The following ARHGEF40 variants were observed in gnomAD, a reference collection of about 807,000 sequenced individuals.
The protein encoded by ARHGEF40 is Rho guanine nucleotide exchange factor (GEF) 40.
In ARHGEF40, 98 loss-of-function variants were observed where a neutral mutation model predicts 165.9. The observed-to-expected ratio is 0.59, with a 90% CI of 0.50 to 0.70. The LOEUF (loss-of-function observed/expected upper bound fraction) is 0.70. Among genes scored for constraint, ARHGEF40 ranks in the 30% least tolerant of loss-of-function variants. The probability of loss-of-function intolerance (pLI) is 0.00; values close to 1 mark genes in which losing one functional copy is unlikely to be tolerated. For missense variants in ARHGEF40, 1,815 were observed against 1,968.0 expected, an observed-to-expected ratio of 0.92 and a Z score of 1.47; for synonymous variants, 792 against 814.3, an observed-to-expected ratio of 0.97 and a Z score of 0.47.
chr14:21,088,158 C>T lies in ARHGEF40; in HGVS notation c.4518+60C>T, dbSNP rs1178538535. ...TCTCTTTGGCTGCTTTCTGGATGGG[C>T]TTTTCTGATCATTCAACCCCAGGGG... On this transcript the variant is annotated intron_variant, in intron 22 of 23. Coordinates refer to ENST00000298694, the MANE Select transcript of ARHGEF40 (RefSeq NM_018071.5). The T allele has an allele frequency of 1.9e-5, 29 of 1,537,840 alleles. No individual in the cohort carries two copies. The South Asian group carries it at 3.2e-4, about 17-fold the overall frequency.
upstream of ARHGEF40, among the ~76,000 whole-genome samples, chr14:21,066,359 C>A (rs527549184): frequency 6.9e-6 from 1 of 145,774 alleles, no homozygotes; most frequent in Non-Finnish European, 1.5e-5. Flanking sequence ...CTCACTTTGT[C>A]GCCAGGCTGG....
intron 15 of ARHGEF40, 149 bp downstream of exon 15, chr14:21,082,627 C>A: frequency 1.8e-6 from 2 of 1,109,836 alleles, no homozygotes; most frequent in Non-Finnish European, 2.5e-6. Flanking sequence ...GGCACTTCTG[C>A]CTCTACTCAG....
rs1480912132 is a variant in ARHGEF40 at position 21,090,188 on chromosome 14, C to T, written c.*1180C>T. On this transcript the variant is annotated 3_prime_UTR_variant, in exon 24 of 24. Coordinates refer to ENST00000298694, the MANE Select transcript of ARHGEF40 (RefSeq NM_018071.5). This position sits in a 1 kb window ranked among gnomAD's most constrained non-coding sequence, Gnocchi z 4.4. ...GGCCCCTGATGGGGCTAGAAGGGTA[C>T]AGTGCCCCCCACCCTCACCCCTTGT... The T allele has an allele frequency of 1.8e-6, 1 of 541,652 alleles. No homozygotes were observed. Among genetic ancestry groups the T allele is most frequent in the East Asian group, 4.5e-5 (1 of 22,182 alleles). 33.6% of individuals were successfully genotyped at this position (541,652 alleles called of 1,614,324 possible).
At chr14:21,064,942 A>G in the ARHGEF40 span, among the ~76,000 whole-genome samples, 261 of 152,294 alleles carry the variant, frequency 1.7e-3, no homozygotes, top group African/African-American at 6.1e-3. Flanking sequence ...AGGCAGAGGC[A>G]GGCAGATCAC....
chr14:21,070,310 G>T lies in ARHGEF40; in HGVS notation c.-87G>T. 1 of 1,369,740 alleles carries T rather than the reference G, an allele frequency of 7.3e-7. No individual in the cohort carries two copies. The highest frequency in any genetic ancestry group is 9.4e-7 in the Non-Finnish European group (1 of 1,060,332). The allele number at this position is 1,369,740 out of a possible 1,614,324, so 84.8% of individuals were successfully genotyped here. A position where few individuals can be genotyped will look rare whatever the true frequency, so the allele number is the denominator to read the frequency against. On this transcript the variant is annotated 5_prime_UTR_variant, in exon 1 of 24. Coordinates refer to ENST00000298694, the MANE Select transcript of ARHGEF40 (RefSeq NM_018071.5). This position sits in a 1 kb window ranked among gnomAD's most constrained non-coding sequence, Gnocchi z 4.7. ...CCGGAGCTGTCCCTTAGCCAGACCCGGCGAGACACGAGCGGCGGGAGGGAG... is the reference window on the plus strand; with the variant it reads ...CCGGAGCTGTCCCTTAGCCAGACCCTGCGAGACACGAGCGGCGGGAGGGAG...
In ARHGEF40 at chr14:21,080,760, G is replaced by C. The variant is rs527744379; in HGVS notation, c.2474G>C (p.Arg825Pro). 1.2e-6 allele frequency: 2 copies of C among 1,608,724 alleles called. No individual in the cohort carries two copies. Among genetic ancestry groups the C allele is most frequent in the Admixed American group, 1.7e-5 (1 of 59,516 alleles). The change falls in exon 12 of 24, where the codon CGT becomes CCT. Residue 825 changes from arginine to proline, a missense_variant. Coordinates refer to ENST00000298694, the MANE Select transcript of ARHGEF40 (RefSeq NM_018071.5). ...SALQETELRFRAFSAEVQERL... is the reference protein window; with the variant it reads ...SALQETELRFPAFSAEVQERL... ...CTGCAGGAGACAGAGCTGCGATTCC[G>C]TGCTTTCAGCGCTGAGGTCCAGGTG...
chr14:21,082,262 G>T lies in ARHGEF40; in HGVS notation c.3270G>T (p.Val1090=). 2 of 1,611,024 alleles carry T rather than the reference G, an allele frequency of 1.2e-6. No homozygotes were observed. The highest frequency in any genetic ancestry group is 1.7e-6 in the Non-Finnish European group (2 of 1,177,856). ...KRSISAQQRL[V]SELIACEQDY... ...CCTGCAGTGCCCAGCAGCGGCTGGT[G>T]TCTGAGCTGATTGCCTGTGAACAAG... The change falls in exon 15 of 24, where the codon GTG becomes GTT. Residue 1090 remains valine (V), a synonymous_variant. Coordinates refer to ENST00000298694, the MANE Select transcript of ARHGEF40 (RefSeq NM_018071.5).
Position 21,082,058 on chromosome 14 carries a change from AG to A in ARHGEF40, c.3195del (p.Pro1066GlnfsTer7). Reference sequence around the variant, plus strand: ...GGAACACGTGCTGCTGGGCCGGGCTAGGGGGCCAGACGGACCCTGGGGAGTA... The same window carrying A: ...GGAACACGTGCTGCTGGGCCGGGCTAGGGGCCAGACGGACCCTGGGGAGTA... ...PREHVLLGRA[R>X]GPDGPWGVGT... On this transcript the variant is annotated frameshift_variant, in exon 14 of 24. Coordinates refer to ENST00000298694, the MANE Select transcript of ARHGEF40 (RefSeq NM_018071.5). LOFTEE classifies it high-confidence loss of function. The A allele has an allele frequency of 6.4e-7, 1 of 1,560,564 alleles. No individual in the cohort carries two copies. The highest frequency in any genetic ancestry group is 8.7e-7 in the Non-Finnish European group (1 of 1,152,186).
At chr14:21,085,556 G>C in intron 18 of ARHGEF40, 133 bp from the exon 19 acceptor site, 1 of 1,020,570 alleles carries the variant, frequency 9.8e-7, no homozygotes, top group African/African-American at 1.6e-5. Context: ...TAGAGCACTT[G>C]GCACGTGATA....
intron 19 of ARHGEF40, 78 bp from the exon 20 acceptor site, chr14:21,086,920 AAAG>A: frequency 8.2e-7 from 1 of 1,215,026 alleles, no homozygotes; most frequent in Non-Finnish European, 1.1e-6. Flanking sequence ...AAAAAAAAAA[AAAG>A]AAAAAAATCA....
intron 18 of ARHGEF40, 32 bp downstream of exon 18, chr14:21,084,955 C>G: frequency 6.2e-7 from 1 of 1,600,468 alleles, no homozygotes; most frequent in South Asian, 1.1e-5. Flanking sequence ...GTGGAGGTGA[C>G]AGGAAGTCAT....
At chr14:21,068,714 A>G (rs1287623031), upstream of ARHGEF40, among the ~76,000 whole-genome samples, 1 of 152,206 alleles carries the variant, frequency 6.6e-6, no homozygotes, top group African/African-American at 2.4e-5. Context: ...GGGTGTTAGA[A>G]AGAGCTCCAA....
chr14:21,072,178 T>G lies in ARHGEF40; in HGVS notation c.4-867T>G, dbSNP rs1886993268. Among the ~76,000 whole-genome samples the G allele has an allele frequency of 6.6e-6, 1 of 152,200 alleles. No homozygotes were observed. Among genetic ancestry groups the G allele is most frequent in the Admixed American group, 6.5e-5 (1 of 15,286 alleles). On this transcript the variant is annotated intron_variant, in intron 1 of 23. Transcript: ENST00000298694. This position sits in a 1 kb window ranked among gnomAD's most constrained non-coding sequence, Gnocchi z 4.1. Reference sequence around the variant, plus strand: ...TAGGAGTTGGAGAAAGACGTCTCATTGACTCACTTAGGGAGGGGAGTCTGG... The same window carrying G: ...TAGGAGTTGGAGAAAGACGTCTCATGGACTCACTTAGGGAGGGGAGTCTGG...
At chr14:21,082,144 TA>T in intron 14 of ARHGEF40, 25 bp downstream of exon 14, 1 of 1,561,752 alleles carries the variant, frequency 6.4e-7, no homozygotes, top group Non-Finnish European at 8.7e-7. Context: ...CAACTGGTGC[TA>T]AGAGGCGGAG....
intron 15 of ARHGEF40, 65 bp from the exon 16 acceptor site, chr14:21,082,766 G>A: frequency 6.6e-7 from 1 of 1,509,852 alleles, no homozygotes; most frequent in South Asian, 1.1e-5. Context: ...ATAGAGAGGG[G>A]GAAGAGAGAG....
In ARHGEF40 at chr14:21,072,937, G is replaced by T; in HGVS notation, c.4-108G>T. 5.2e-6 allele frequency: 6 copies of T among 1,163,312 alleles called. No homozygotes were observed. In the Admixed American group the frequency reaches 8.6e-5, roughly 17 times the overall value. 72.1% of individuals were successfully genotyped at this position (1,163,312 alleles called of 1,614,324 possible). A position where few individuals can be genotyped will look rare whatever the true frequency, so the allele number is the denominator to read the frequency against. On this transcript the variant is annotated intron_variant, in intron 1 of 23. Transcript: ENST00000298694. The surrounding 1 kb of genome is among the most constrained non-coding windows in gnomAD (Gnocchi z 4.1). ...TGAGTGCTCACTTTTTGCCCACATT[G>T]TACAATCGGGGCTTTGGAGAACACA... is the stretch of plus-strand genomic sequence containing the variant.
At chr14:21,068,100 C>T (rs10143954), upstream of ARHGEF40, among the ~76,000 whole-genome samples, 3 of 40,602 alleles carry the variant, frequency 7.4e-5, 1 homozygote, top group East Asian at 7.6e-4. Context: ...CCCGGGTTCA[C>T]GCCATTCTCC....
At position 21,074,777 on chromosome 14, in the gene ARHGEF40, C is replaced by T. The variant is rs1046089901; in HGVS notation, c.1047C>T (p.Pro349=). Reference sequence around the variant, plus strand: ...TGGGAGAAGCCTCCGGATCTTGCCCCCTGAGGCCAGGGGAGCTTAGAGGAG... The same window carrying T: ...TGGGAGAAGCCTCCGGATCTTGCCCTCTGAGGCCAGGGGAGCTTAGAGGAG... ...EAVGEASGSC[P]LRPGELRGGG... Residue 349 remains proline (P), a synonymous_variant, in exon 3 of 24, where the codon CCC becomes CCT. Transcript: ENST00000298694. This position sits in a 1 kb window ranked among gnomAD's most constrained non-coding sequence, Gnocchi z 4.8. The T allele has an allele frequency of 6.2e-7, 1 of 1,609,976 alleles. No individual in the cohort carries two copies. Among genetic ancestry groups the T allele is most frequent in the Admixed American group, 1.7e-5 (1 of 59,588 alleles).
At position 21,072,835 on chromosome 14, in the gene ARHGEF40, A is replaced by C. The variant is rs1181332813; in HGVS notation, c.4-210A>C. 6.6e-6 allele frequency among the ~76,000 whole-genome samples: 1 copy of C among 152,148 alleles called. No individual in the cohort carries two copies. The highest frequency in any genetic ancestry group is 1.5e-5 in the Non-Finnish European group (1 of 68,012). On this transcript the variant is annotated intron_variant, in intron 1 of 23. Transcript: ENST00000298694. This position sits in a 1 kb window ranked among gnomAD's most constrained non-coding sequence, Gnocchi z 4.1. ...TCCAAAGCCAAGGTCTCAGAGCGGG[A>C]GTGTTGAGCGCCCTGCCAGGTTTGT...
Sources: gnomAD v4.1 joint callset for allele counts (sites outside exome capture counted in the v4.1 genomes callset) on GRCh38, gnomAD v4.1.1 for gene constraint, Gnocchi (gnomAD v3.1) non-coding constraint, MANE v1.5 for transcripts, NCBI Gene and HGNC (gene_info 2026-07-23, HGNC 2026-07-21) for gene names.